The following IL1RAP variants were observed in gnomAD, a reference collection of about 807,000 sequenced individuals.
The protein encoded by IL1RAP is interleukin 1 receptor accessory protein.
In IL1RAP, 35 loss-of-function variants were observed where a neutral mutation model predicts 60.7. That is an observed-to-expected ratio of 0.58 (90% CI 0.44 to 0.76). The LOEUF (loss-of-function observed/expected upper bound fraction) is 0.76. Ranked by LOEUF, IL1RAP falls within the 30% of genes least tolerant of loss-of-function variation. The pLI is 0.00. For synonymous variants in IL1RAP, 268 were observed against 250.9 expected (o/e 1.07, Z -0.64); for missense variants, 572 against 693.9 (o/e 0.82, Z 1.97).
chr3:190,654,287 C>T (rs186591358), downstream of IL1RAP, among the ~76,000 whole-genome samples: 158 of 151,060 alleles, frequency 1.0e-3, no homozygotes, highest in African/African-American at 3.7e-3. Flanking sequence ...GGTTATTTCA[C>T]ATTTCTCAGG....
chr3:190,657,477 G>A (rs1044353468), exon 12 of IL1RAP: 4 of 152,176 alleles, frequency 2.6e-5, no homozygotes, highest in Non-Finnish European at 5.9e-5. Flanking sequence ...AAGTGATGTA[G>A]CGTAGAAATA....
At chr3:190,559,044 A>T (rs1725666708) in intron 2 of IL1RAP, among the ~76,000 whole-genome samples, 1 of 152,152 alleles carries the variant, frequency 6.6e-6, no homozygotes, top group Admixed American at 6.5e-5. Flanking sequence ...GACTCTGGAG[A>T]TGAATATATT....
chr3:190,646,282 C>T (rs781512988), intron 11 of IL1RAP, among the ~76,000 whole-genome samples: 1 of 151,942 alleles, frequency 6.6e-6, no homozygotes, highest in African/African-American at 2.4e-5. Flanking sequence ...AAGTGAGTGG[C>T]GGAAGAGTGT....
intron 9 of IL1RAP, among the ~76,000 whole-genome samples, chr3:190,637,153 G>T (rs1733288754): frequency 6.6e-6 from 1 of 151,904 alleles, no homozygotes; most frequent in African/African-American, 2.4e-5. Context: ...TGAAAGTTTG[G>T]CTTTAAATAA....
chr3:190,645,689 C>T lies in IL1RAP; in HGVS notation c.1202-10C>T. Reference sequence around the variant, plus strand: ...CCTAATTTACATTGTATCTGTGTTCCTTTTGCTAGATGGAAAAGAGTATGA... The same window carrying T: ...CCTAATTTACATTGTATCTGTGTTCTTTTTGCTAGATGGAAAAGAGTATGA... On this transcript the variant is annotated splice_polypyrimidine_tract_variant and intron_variant, in intron 10 of 11. Coordinates refer to ENST00000447382, the MANE Select transcript of IL1RAP (RefSeq NM_002182.4). The T allele has an allele frequency of 6.2e-7, 1 of 1,601,930 alleles. No individual in the cohort carries two copies. The highest frequency in any genetic ancestry group is 1.1e-5 in the South Asian group (1 of 89,824).
chr3:190,647,331 T>C (rs900153938), intron 11 of IL1RAP, among the ~76,000 whole-genome samples: 4 of 152,172 alleles, frequency 2.6e-5, no homozygotes, highest in Admixed American at 6.5e-5. Context: ...TAAAGGAATA[T>C]ATCAAGACAT....
chr3:190,601,216 C>G (rs541124686), intron 3 of IL1RAP, among the ~76,000 whole-genome samples: 6 of 152,150 alleles, frequency 3.9e-5, no homozygotes, highest in Non-Finnish European at 8.8e-5. Context: ...AACTCCTGAC[C>G]TCAGGTGATC....
chr3:190,636,369 G>C (rs1218530299), intron 9 of IL1RAP, among the ~76,000 whole-genome samples: 1 of 152,000 alleles, frequency 6.6e-6, no homozygotes, highest in African/African-American at 2.4e-5. Flanking sequence ...GCCAGTATTT[G>C]TCTCATGTAT....
intron 9 of IL1RAP, among the ~76,000 whole-genome samples, chr3:190,643,216 G>C (rs1733782408): frequency 6.6e-6 from 1 of 152,158 alleles, no homozygotes. Context: ...CTACACGGGA[G>C]AGCCAGGTTT....
intron 7 of IL1RAP, 54 bp downstream of exon 7, chr3:190,623,469 T>A (rs2108800805): frequency 8.0e-7 from 1 of 1,255,166 alleles, no homozygotes; most frequent in Non-Finnish European, 1.2e-6. Flanking sequence ...TTACAAGGAA[T>A]AAAATGTCAT....
intron 3 of IL1RAP, among the ~76,000 whole-genome samples, chr3:190,568,626 A>T (rs553690058): frequency 1.6e-4 from 25 of 152,178 alleles, no homozygotes; most frequent in Non-Finnish European, 3.4e-4. Context: ...TGATGACAGT[A>T]AAGGGGTCAT....
intron 3 of IL1RAP, among the ~76,000 whole-genome samples, chr3:190,572,859 G>GTTTTTTTTTTTTTTTTTTTTTTTTTT (rs1200775636): frequency 2.6e-5 from 1 of 39,052 alleles, no homozygotes; most frequent in African/African-American, 1.2e-4. Context: ...TTAATGCTTT[G>GTTTTTTTTTTTTTTTTTTTTTTTTTT]TTTTTTTTTT....
intron 3 of IL1RAP, among the ~76,000 whole-genome samples, chr3:190,593,907 T>C (rs1315672836): frequency 6.6e-6 from 1 of 152,146 alleles, no homozygotes; most frequent in Non-Finnish European, 1.5e-5. Context: ...AGGATACTGC[T>C]AGAAAAATGT....
At chr3:190,633,336 T>C (rs1413988096) in intron 9 of IL1RAP, among the ~76,000 whole-genome samples, 1 of 152,174 alleles carries the variant, frequency 6.6e-6, no homozygotes, top group African/African-American at 2.4e-5. Context: ...TATTTTGTTT[T>C]TGATGCTATT....
chr3:190,559,638 ATACTT>A (rs1725717455), intron 2 of IL1RAP, among the ~76,000 whole-genome samples: 3 of 152,114 alleles, frequency 2.0e-5, no homozygotes, highest in Admixed American at 6.6e-5. Flanking sequence ...CAACCCATAT[ATACTT>A]TATTTTAAGG....
At chr3:190,519,028 A>C (rs1020622784) in intron 1 of IL1RAP, 1 of 152,336 alleles carries the variant, frequency 6.6e-6, no homozygotes, top group Admixed American at 6.5e-5. Context: ...GAGGACTTAG[A>C]CTAAGACCAA....
At chr3:190,566,216 A>G (rs1726384278) in intron 3 of IL1RAP, among the ~76,000 whole-genome samples, 1 of 152,144 alleles carries the variant, frequency 6.6e-6, no homozygotes, top group South Asian at 2.1e-4. Context: ...TGCTCAATAC[A>G]TAGGTGTTAA....
chr3:190,601,409 T>C (rs1729849102), intron 3 of IL1RAP, among the ~76,000 whole-genome samples: 1 of 152,260 alleles, frequency 6.6e-6, no homozygotes, highest in Non-Finnish European at 1.5e-5. Flanking sequence ...TGAACAACAC[T>C]GATTTTTCCA....
chr3:190,613,128 A>T (rs2108774477), intron 5 of IL1RAP, among the ~76,000 whole-genome samples: 1 of 152,350 alleles, frequency 6.6e-6, no homozygotes, highest in South Asian at 2.1e-4. Context: ...GTTGGTTTTA[A>T]GGAGAGAGAG....
Sources: allele counts gnomAD v4.1 joint callset (sites outside exome capture counted in the v4.1 genomes callset), GRCh38; gene constraint gnomAD v4.1.1; transcripts MANE v1.5; gene names NCBI Gene and HGNC (gene_info 2026-07-23, HGNC 2026-07-21).